Variants in ADGRB3 observed in about 807,000 individuals in gnomAD.
ADGRB3 encodes the protein brain-specific angiogenesis inhibitor 3.
Under a neutral mutation model 193.4 loss-of-function variants are expected in ADGRB3, and 37 were observed. The observed-to-expected ratio is 0.19, with a 90% CI of 0.15 to 0.25. The LOEUF is 0.25. Ranked by LOEUF, ADGRB3 falls within the 10% of genes least tolerant of loss-of-function variation. ADGRB3 has a pLI of 1.00. For synonymous variants in ADGRB3, 690 were observed against 644.2 expected, an observed-to-expected ratio of 1.07 and a Z score of -1.08; for missense variants, 1,637 against 1,852.9, an observed-to-expected ratio of 0.88 and a Z score of 2.14.
At chr6:68,887,154 T>TA (rs1395825784) in intron 3 of ADGRB3, among the ~76,000 whole-genome samples, 1 of 151,986 alleles carries the variant, frequency 6.6e-6, no homozygotes, top group Admixed American at 6.6e-5. Context: ...GCGATATTGT[T>TA]AGTTCAAAGT....
rs751346476 is a variant in ADGRB3 at position 69,354,283 on chromosome 6, T to C, written c.3510T>C (p.Asn1170=). ...TGAGAAACTGTCAGGATCCCATCAA[T>C]GCAGATTCTTCGAGTTCGTTTCCTA... ...CRLRNCQDPI[N]ADSSSSFPNG... is the part of the protein sequence containing the mutation. The change falls in exon 27 of 32, where the codon AAT becomes AAC. Residue 1170 remains asparagine (N), a synonymous_variant. Coordinates refer to ENST00000370598, the MANE Select transcript of ADGRB3 (RefSeq NM_001704.3). 92 of 1,613,936 alleles carry C rather than the reference T, an allele frequency of 5.7e-5. No homozygotes were observed. In the East Asian group the frequency reaches 2.0e-3, roughly 35 times the overall value.
intron 17 of ADGRB3, among the ~76,000 whole-genome samples, chr6:69,189,134 A>G (rs1208566015): frequency 2.0e-5 from 3 of 152,182 alleles, no homozygotes; most frequent in Non-Finnish European, 4.4e-5. Flanking sequence ...TAGAAATGAA[A>G]ACGAAACTGA....
At chr6:68,665,701 T>G (rs1486152626) in intron 3 of ADGRB3, among the ~76,000 whole-genome samples, 5 of 151,800 alleles carry the variant, frequency 3.3e-5, no homozygotes, top group African/African-American at 1.2e-4. Flanking sequence ...TGCTTGGATA[T>G]CTCTTTAAAT....
chr6:69,316,181 T>A (rs1768306300), intron 20 of ADGRB3, among the ~76,000 whole-genome samples: 1 of 151,330 alleles, frequency 6.6e-6, no homozygotes. Context: ...GTAAATATAG[T>A]ATTATGTATA....
chr6:69,364,168 C>T (rs1410143122), intron 29 of ADGRB3, among the ~76,000 whole-genome samples: 1 of 151,984 alleles, frequency 6.6e-6, no homozygotes, highest in African/African-American at 2.4e-5. Context: ...TAAAGACGCT[C>T]ACATTTTACC....
At chr6:69,205,977 T>G (rs1435317583) in intron 17 of ADGRB3, among the ~76,000 whole-genome samples, 36 of 143,972 alleles carry the variant, frequency 2.5e-4, no homozygotes, top group Non-Finnish European at 7.5e-5. Flanking sequence ...ATTGTATTAG[T>G]CAGGGTTCTC....
intron 13 of ADGRB3, among the ~76,000 whole-genome samples, chr6:69,040,402 G>A (rs1323402834): frequency 2.3e-5 from 2 of 85,874 alleles, no homozygotes; most frequent in South Asian, 3.6e-4. Context: ...TTTCCTTCAC[G>A]CAGGTGACTC....
chr6:69,032,211 T>C (rs560069863), intron 13 of ADGRB3, among the ~76,000 whole-genome samples: 89 of 152,300 alleles, frequency 5.8e-4, no homozygotes, highest in African/African-American at 2.0e-3. Context: ...GTTGACTTCA[T>C]TGTTATTTCC....
rs575505575 is a variant in ADGRB3, at chr6:68,891,752, T to C, written c.758-38807T>C. 6.6e-5 allele frequency among the ~76,000 whole-genome samples: 10 copies of C among 152,244 alleles called. No homozygotes were observed. The South Asian group carries it at 2.1e-3, about 32-fold the overall frequency. The stretch of plus-strand genomic sequence containing the variant: ...GTTGTTCAACTGGCTCCTGAAAAGC[T>C]GTGTCTGGAGTGGAGGAAGAGGAGA... On this transcript the variant is annotated intron_variant, in intron 3 of 31. Coordinates refer to ENST00000370598, the MANE Select transcript of ADGRB3 (RefSeq NM_001704.3).
intron 3 of ADGRB3, among the ~76,000 whole-genome samples, chr6:68,889,772 G>T (rs777875372): frequency 6.6e-6 from 1 of 152,082 alleles, no homozygotes; most frequent in Non-Finnish European, 1.5e-5. Flanking sequence ...AAAGTGCTGG[G>T]ATTACAGGCG....
intron 13 of ADGRB3, among the ~76,000 whole-genome samples, chr6:69,031,023 T>TCC (rs1562128749): frequency 3.1e-5 from 3 of 96,144 alleles, no homozygotes; most frequent in African/African-American, 1.3e-4. Flanking sequence ...TTCTTTTTTT[T>TCC]TTCCTCTTCT....
intron 6 of ADGRB3, 57 bp downstream of exon 6, chr6:68,944,051 A>G (rs1193413176): frequency 8.7e-6 from 13 of 1,497,682 alleles, no homozygotes; most frequent in Middle Eastern, 1.8e-4. Flanking sequence ...TATGATTCCT[A>G]GTGTACACAA....
chr6:68,944,115 C>A, intron 6 of ADGRB3, 121 bp downstream of exon 6: 1 of 1,104,428 alleles, frequency 9.1e-7, no homozygotes, highest in Non-Finnish European at 1.3e-6. Context: ...GTGTCCTTTT[C>A]ATTGTATCTT....
rs536236415 is a variant in ADGRB3, at chr6:68,877,169, A to G, written c.758-53390A>G. ...TTATAGTTCCCTTCAGAAAATATTC[A>G]GCAAGATAAATTTATGTGTAAATTA... On this transcript the variant is annotated intron_variant, in intron 3 of 31. Coordinates refer to ENST00000370598, the MANE Select transcript of ADGRB3 (RefSeq NM_001704.3). Among the ~76,000 whole-genome samples the G allele has an allele frequency of 3.9e-5, 6 of 152,186 alleles. No individual in the cohort carries two copies. The South Asian group carries it at 1.2e-3, about 31-fold the overall frequency.
chr6:68,991,867 A>C (rs1769248201), intron 10 of ADGRB3, among the ~76,000 whole-genome samples: 1 of 152,180 alleles, frequency 6.6e-6, no homozygotes, highest in African/African-American at 2.4e-5. Context: ...AAACATGGTA[A>C]GCTGAGTGTC....
chr6:68,897,391 A>G (rs1013364746), intron 3 of ADGRB3, among the ~76,000 whole-genome samples: 2 of 145,122 alleles, frequency 1.4e-5, no homozygotes, highest in East Asian at 4.2e-4. Flanking sequence ...AGAAGGAAAG[A>G]AAGAAAGAGA....
At chr6:69,331,425 A>G in intron 23 of ADGRB3, 1 of 397,288 alleles carries the variant, frequency 2.5e-6, no homozygotes, top group South Asian at 1.1e-4. Context: ...CTATACAATT[A>G]TATTTCTAAT....
intron 17 of ADGRB3, among the ~76,000 whole-genome samples, chr6:69,226,207 T>G (rs1167682706): frequency 6.6e-6 from 1 of 152,160 alleles, no homozygotes; most frequent in Non-Finnish European, 1.5e-5. Flanking sequence ...CCAGTGAAGC[T>G]CTCGAGCTCT....
intron 3 of ADGRB3, among the ~76,000 whole-genome samples, chr6:68,879,357 C>G (rs1765674969): frequency 6.6e-6 from 1 of 151,572 alleles, no homozygotes; most frequent in African/African-American, 2.4e-5. Context: ...GCTGGGACTG[C>G]AGGTGCCCAC....
Sources: gnomAD v4.1 joint callset for allele counts (sites outside exome capture counted in the v4.1 genomes callset) on GRCh38, gnomAD v4.1.1 for gene constraint, MANE v1.5 for transcripts, NCBI Gene and HGNC (gene_info 2026-07-23, HGNC 2026-07-21) for gene names.